The following RASGRF2 variants were observed in gnomAD, a reference collection of about 807,000 sequenced individuals.
RASGRF2 encodes the protein Ras protein specific guanine nucleotide releasing factor 2.
In RASGRF2, 76 loss-of-function variants were observed where a neutral mutation model predicts 151.0. The ratio of observed to expected loss-of-function variants is 0.50; its 90% CI spans 0.42 to 0.61. RASGRF2 has a LOEUF of 0.61. Among genes scored for constraint, RASGRF2 ranks in the 20% least tolerant of loss-of-function variants. The pLI, the probability that RASGRF2 is intolerant of heterozygous loss-of-function variation, is 0.00. For synonymous variants in RASGRF2, 504 were observed against 566.5 expected, an observed-to-expected ratio of 0.89 and a Z score of 1.57; for missense variants, 1,148 against 1,564.6, an observed-to-expected ratio of 0.73 and a Z score of 4.49.
rs1168876625 is a variant in RASGRF2 at position 81,225,711 on chromosome 5, A to T, written c.3655A>T (p.Ile1219Leu). The change falls in exon 27 of 27, where the codon ATA (isoleucine) becomes TTA (leucine). Residue 1219 changes from isoleucine to leucine, a missense_variant. Ile to Leu is a conservative substitution (Grantham distance 5). Coordinates refer to ENST00000265080, the MANE Select transcript of RASGRF2 (RefSeq NM_006909.3). ...AQYLLDKDLI[I>L]DEDTLYELSL... is the part of the protein sequence containing the mutation. ...GTACTTGCTTGACAAAGACCTTATC[A>T]TAGATGAAGATACGCTATATGAGCT... is the stretch of plus-strand genomic sequence containing the variant. 1 of 1,611,902 alleles carries T rather than the reference A, an allele frequency of 6.2e-7. No individual in the cohort carries two copies. The highest frequency in any genetic ancestry group is 8.5e-7 in the Non-Finnish European group (1 of 1,179,550).
rs150863455 is a variant in RASGRF2 at position 81,214,464 on chromosome 5, C to T, written c.3355-1412C>T. Among the ~76,000 whole-genome samples, 21 of 152,314 alleles carry T rather than the reference C, an allele frequency of 1.4e-4. No homozygotes were observed. The East Asian group carries it at 1.7e-3, about 13-fold the overall frequency. On this transcript the variant is annotated intron_variant, in intron 23 of 26. Coordinates refer to ENST00000265080, the MANE Select transcript of RASGRF2 (RefSeq NM_006909.3). Reference sequence around the variant, plus strand: ...TCCCTTCTCTGCATCTGAGATCAGCCGGGGAGTTGTTCAGCAGGCCTGATA... The same window carrying T: ...TCCCTTCTCTGCATCTGAGATCAGCTGGGGAGTTGTTCAGCAGGCCTGATA...
intron 17 of RASGRF2, among the ~76,000 whole-genome samples, chr5:81,166,902 C>T (rs1754525038): frequency 6.6e-6 from 1 of 152,128 alleles, no homozygotes; most frequent in South Asian, 2.1e-4. Flanking sequence ...CTTCCCAGCT[C>T]ATCTTTAGCT....
chr5:81,111,384 G>A (rs1037062902), intron 13 of RASGRF2, among the ~76,000 whole-genome samples: 7 of 152,310 alleles, frequency 4.6e-5, no homozygotes, highest in South Asian at 2.1e-4. Flanking sequence ...TGAGGGGTTC[G>A]GGGCAGCCAG....
At chr5:81,074,563 AAT>A (rs753512907) in intron 5 of RASGRF2, among the ~76,000 whole-genome samples, 14 of 152,242 alleles carry the variant, frequency 9.2e-5, no homozygotes, top group Non-Finnish European at 1.6e-4. Flanking sequence ...AGAAACTATG[AAT>A]ATAGAGTCTT....
intron 1 of RASGRF2, among the ~76,000 whole-genome samples, chr5:80,972,160 T>G (rs1035687898): frequency 6.6e-6 from 1 of 152,222 alleles, no homozygotes; most frequent in Admixed American, 6.5e-5. Context: ...GTACAAGCCT[T>G]TTGGTGTACA....
intron 18 of RASGRF2, among the ~76,000 whole-genome samples, chr5:81,196,077 G>T (rs986450469): frequency 1.3e-5 from 2 of 152,172 alleles, no homozygotes; most frequent in Admixed American, 6.5e-5. Context: ...TGGCCAACAT[G>T]GCGAAACCCC....
intron 18 of RASGRF2, among the ~76,000 whole-genome samples, chr5:81,182,174 C>T (rs1045491408): frequency 6.6e-6 from 1 of 152,180 alleles, no homozygotes; most frequent in Admixed American, 6.5e-5. Flanking sequence ...TCCTCAGACT[C>T]TCCCTCCAGC....
At chr5:81,150,494 G>A (rs1398615603) in intron 17 of RASGRF2, among the ~76,000 whole-genome samples, 2 of 152,150 alleles carry the variant, frequency 1.3e-5, no homozygotes, top group Non-Finnish European at 2.9e-5. Context: ...ATCAGGGACG[G>A]TGTGTTCACC....
chr5:81,052,286 A>C (rs917237400), intron 2 of RASGRF2, among the ~76,000 whole-genome samples: 5 of 152,198 alleles, frequency 3.3e-5, no homozygotes, highest in African/African-American at 1.2e-4. Flanking sequence ...CAAGGTAATA[A>C]TTTTACCATT....
chr5:81,217,624 G>C (rs548903106), intron 25 of RASGRF2, 151 bp downstream of exon 25: 1 of 622,140 alleles, frequency 1.6e-6, no homozygotes, highest in Admixed American at 4.7e-5. Flanking sequence ...CTATCGCCCA[G>C]GCTGGAGTGC....
At chr5:81,132,330 C>A in intron 17 of RASGRF2, among the ~76,000 whole-genome samples, 1 of 152,080 alleles carries the variant, frequency 6.6e-6, no homozygotes, top group Non-Finnish European at 1.5e-5. Flanking sequence ...ACTGTACTGT[C>A]CATATATTTT....
intron 17 of RASGRF2, among the ~76,000 whole-genome samples, chr5:81,162,647 G>A (rs1016493822): frequency 3.3e-5 from 5 of 152,172 alleles, no homozygotes; most frequent in African/African-American, 1.2e-4. Flanking sequence ...CACCTGGATG[G>A]AATGTGCTGT....
intron 12 of RASGRF2, among the ~76,000 whole-genome samples, chr5:81,097,848 T>G (rs1752590081): frequency 6.6e-6 from 1 of 152,158 alleles, no homozygotes; most frequent in Non-Finnish European, 1.5e-5. Context: ...TCTAAGCCAA[T>G]GAAAGGGGCT....
intron 17 of RASGRF2, among the ~76,000 whole-genome samples, chr5:81,174,254 A>G (rs1754723311): frequency 6.6e-6 from 1 of 152,204 alleles, no homozygotes; most frequent in Non-Finnish European, 1.5e-5. Context: ...AGACACATAC[A>G]CTTGGTTTTT....
intron 4 of RASGRF2, 59 bp from the exon 5 acceptor site, chr5:81,073,140 T>A (rs1315354730): frequency 9.8e-6 from 15 of 1,524,634 alleles, no homozygotes; most frequent in Non-Finnish European, 1.2e-5. Flanking sequence ...CATGTTCTTT[T>A]CCATAAATAA....
At chr5:81,161,207 T>C (rs1754376262) in intron 17 of RASGRF2, among the ~76,000 whole-genome samples, 1 of 152,278 alleles carries the variant, frequency 6.6e-6, no homozygotes, top group Middle Eastern at 3.4e-3. Context: ...AGGACTCAAT[T>C]TGAATTCCTG....
chr5:81,188,730 T>C (rs1755090017), intron 18 of RASGRF2, among the ~76,000 whole-genome samples: 1 of 152,210 alleles, frequency 6.6e-6, no homozygotes, highest in Non-Finnish European at 1.5e-5. Flanking sequence ...TTATTACCAC[T>C]GCTTTACAGA....
At chr5:81,147,476 A>G (rs1754032904) in intron 17 of RASGRF2, among the ~76,000 whole-genome samples, 1 of 152,236 alleles carries the variant, frequency 6.6e-6, no homozygotes, top group Non-Finnish European at 1.5e-5. Context: ...TGAGAGACAT[A>G]TTGGAGCAAA....
intron 24 of RASGRF2, 27 bp from the exon 25 acceptor site, chr5:81,217,329 T>C: frequency 6.3e-7 from 1 of 1,581,550 alleles, no homozygotes; most frequent in Non-Finnish European, 8.6e-7. Flanking sequence ...CAAATGAGTC[T>C]CAGAACAGTG....
Sources: gnomAD v4.1 joint callset for allele counts (sites outside exome capture counted in the v4.1 genomes callset) on GRCh38, gnomAD v4.1.1 for gene constraint, MANE v1.5 for transcripts, NCBI Gene and HGNC (gene_info 2026-07-23, HGNC 2026-07-21) for gene names.